AHCTF1: variants seen among roughly 807,000 people sequenced by gnomAD.
AHCTF1 encodes protein ELYS.
A neutral mutation model predicts 248.4 loss-of-function variants in AHCTF1; 24 were observed. That is an observed-to-expected ratio of 0.10 (90% CI 0.07 to 0.14). The LOEUF is 0.14. AHCTF1 is among the 10% of genes least tolerant of loss of function. The pLI is 1.00. For synonymous variants in AHCTF1, 786 were observed against 929.8 expected (o/e 0.85, Z 2.81); for missense variants, 2,206 against 2,636.2 (o/e 0.84, Z 3.57).
intron 21 of AHCTF1, 24 bp downstream of exon 21, chr1:246,885,469 T>A (rs1281197653): frequency 6.4e-7 from 1 of 1,559,224 alleles, no homozygotes; most frequent in South Asian, 1.2e-5. Context: ...ATAAAGACTT[T>A]ATAGTTTCAA....
chr1:246,871,360 GCCA>G (rs1283163770), intron 24 of AHCTF1, among the ~76,000 whole-genome samples: 1 of 152,194 alleles, frequency 6.6e-6, no homozygotes, highest in Non-Finnish European at 1.5e-5. Context: ...ATCAAGGTGT[GCCA>G]GATCCTTACT....
Position 246,859,864 on chromosome 1 carries a change from T to C in AHCTF1, c.4132+1035A>G, listed in dbSNP as rs182702045. 1.3e-4 allele frequency among the ~76,000 whole-genome samples: 20 copies of C among 152,118 alleles called. No homozygotes were observed. The East Asian group carries it at 3.7e-3, about 28-fold the overall frequency. On this transcript the variant is annotated intron_variant, in intron 29 of 35. Transcript: ENST00000648844. ...CCACTTTACCCAGCCTGAACATTTA[T>C]TTTCATTGTCCAGTGATTATTTTGG...
Position 246,916,328 on chromosome 1 carries a change from C to G in AHCTF1, c.189G>C (p.Glu63Asp). The G allele has an allele frequency of 6.2e-7, 1 of 1,610,388 alleles. No individual in the cohort carries two copies. The highest frequency in any genetic ancestry group is 8.5e-7 in the Non-Finnish European group (1 of 1,177,446). Residue 63 changes from glutamate (E) to aspartate (D), a missense_variant, in exon 3 of 36, where the codon GAG becomes GAC. Glu to Asp is a conservative substitution (Grantham distance 45). Transcript: ENST00000648844. ...QLEVVNSITGERLSAYRFSGV... is the reference protein window; with the variant it reads ...QLEVVNSITGDRLSAYRFSGV... ...CACTGAATCTGTAAGCAGACAATCGCTCTCCTGTTATAGAGTTTACTACCT... is the reference window on the plus strand; with the variant it reads ...CACTGAATCTGTAAGCAGACAATCGGTCTCCTGTTATAGAGTTTACTACCT...
chr1:246,913,632 T>C (rs1039291977), intron 3 of AHCTF1, among the ~76,000 whole-genome samples: 4 of 152,224 alleles, frequency 2.6e-5, no homozygotes, highest in East Asian at 1.9e-4. Context: ...GGACTAACAA[T>C]TGATGTTGAC....
At position 246,898,506 on chromosome 1, in the gene AHCTF1, C is replaced by T. The variant is rs1410698291; in HGVS notation, c.1495-170G>A. ...GAGTTTATAGGTTCTTAAGCTTAAC[C>T]AATGCTTGCTAGTTGTGAATACTAC... On this transcript the variant is annotated intron_variant, in intron 11 of 35. Transcript: ENST00000648844. Among the ~76,000 whole-genome samples the T allele has an allele frequency of 3.9e-5, 6 of 152,012 alleles. No homozygotes were observed. In the East Asian group the frequency reaches 9.6e-4, roughly 24 times the overall value.
At chr1:246,898,454 G>T (rs987854419) in intron 11 of AHCTF1, 118 bp from the exon 12 acceptor site, 11 of 1,106,314 alleles carry the variant, frequency 9.9e-6, no homozygotes, top group African/African-American at 1.6e-5. Context: ...TGGAAATTAT[G>T]AAAGACTATA....
intron 2 of AHCTF1, among the ~76,000 whole-genome samples, chr1:246,917,882 C>T (rs866009594): frequency 6.6e-6 from 1 of 151,966 alleles, no homozygotes; most frequent in South Asian, 2.1e-4. Context: ...ACATCTAGGG[C>T]CCTGGACTTT....
At chr1:246,899,541 C>T (rs771598958) in intron 10 of AHCTF1, 29 bp from the exon 11 acceptor site, 3 of 1,566,474 alleles carry the variant, frequency 1.9e-6, no homozygotes, top group South Asian at 2.3e-5. Flanking sequence ...AAATAATCCA[C>T]TTACATATAT....
At chr1:246,881,763 G>A (rs1406775113) in intron 21 of AHCTF1, among the ~76,000 whole-genome samples, 1 of 150,144 alleles carries the variant, frequency 6.7e-6, no homozygotes, top group Non-Finnish European at 1.5e-5. Context: ...GCTTGAACCT[G>A]GGAGGCAGAG....
chr1:246,905,190 G>A (rs1665291049), intron 6 of AHCTF1, among the ~76,000 whole-genome samples: 1 of 152,098 alleles, frequency 6.6e-6, no homozygotes. Flanking sequence ...TTCTATTTTT[G>A]ACTAATTTTT....
rs575683207 is a variant in AHCTF1, at chr1:246,870,150, A to C, written c.3089-2339T>G. Reference sequence around the variant, plus strand: ...GAAAGAGCAAGAGAACTAGAATGAGAAGCAGAGCCTAGGCCAGGCATGATG... The same window carrying C: ...GAAAGAGCAAGAGAACTAGAATGAGCAGCAGAGCCTAGGCCAGGCATGATG... On this transcript the variant is annotated intron_variant, in intron 24 of 35. Transcript: ENST00000648844. Among the ~76,000 whole-genome samples the C allele has an allele frequency of 2.6e-5, 4 of 152,324 alleles. No homozygotes were observed. The East Asian group carries it at 7.7e-4, about 29-fold the overall frequency.
At chr1:246,921,633 CCT>C (rs1189285753) in intron 1 of AHCTF1, among the ~76,000 whole-genome samples, 2 of 152,038 alleles carry the variant, frequency 1.3e-5, no homozygotes, top group Non-Finnish European at 2.9e-5. Context: ...ACACCGATTC[CCT>C]GAGTCAGGAA....
chr1:246,907,822 C>T, intron 4 of AHCTF1, 64 bp from the exon 5 acceptor site: 1 of 1,358,542 alleles, frequency 7.4e-7, no homozygotes. Flanking sequence ...GCAAATATGT[C>T]ATCCATTATT....
Position 246,842,692 on chromosome 1 carries a change from A to G in AHCTF1, c.6608+2T>C, listed in dbSNP as rs1659965231. The G allele has an allele frequency of 3.1e-6, 5 of 1,612,600 alleles. No individual in the cohort carries two copies. In the East Asian group the frequency reaches 1.1e-4, roughly 36 times the overall value. On this transcript the variant is annotated splice_donor_variant, in intron 35 of 35. Transcript: ENST00000648844. LOFTEE classifies it high-confidence loss of function. The stretch of plus-strand genomic sequence containing the variant: ...AATCAAGAACAGAACAGAAAGTCAT[A>G]CTTGCTTGCTTGTTTTGTTTTTGAC...
At chr1:246,883,919 T>A (rs1407562005) in intron 21 of AHCTF1, among the ~76,000 whole-genome samples, 2 of 152,096 alleles carry the variant, frequency 1.3e-5, no homozygotes, top group Non-Finnish European at 2.9e-5. Context: ...TCTGGATGAA[T>A]TAAAGAAGGA....
chr1:246,911,412 A>AT (rs1479334596), intron 4 of AHCTF1, among the ~76,000 whole-genome samples: 1 of 151,252 alleles, frequency 6.6e-6, no homozygotes, highest in Non-Finnish European at 1.5e-5. Flanking sequence ...TCACATAAAA[A>AT]TTTTATTAAT....
At chr1:246,930,598 A>AAAAG (rs1553308027) in intron 1 of AHCTF1, among the ~76,000 whole-genome samples, 1 of 148,610 alleles carries the variant, frequency 6.7e-6, no homozygotes. Flanking sequence ...AAAAAAAAAA[A>AAAAG]GGGGGGGTCT....
intron 24 of AHCTF1, among the ~76,000 whole-genome samples, chr1:246,869,604 G>C (rs1025364853): frequency 6.6e-6 from 1 of 151,820 alleles, no homozygotes; most frequent in Admixed American, 6.6e-5. Flanking sequence ...AAAATGATGG[G>C]AAATCTACTA....
intron 26 of AHCTF1, among the ~76,000 whole-genome samples, chr1:246,865,090 T>A (rs1661869103): frequency 6.6e-6 from 1 of 152,220 alleles, no homozygotes; most frequent in African/African-American, 2.4e-5. Context: ...AATTTACAGA[T>A]AAATTTAAAC....
Sources: gnomAD v4.1 joint callset for allele counts (sites outside exome capture counted in the v4.1 genomes callset) on GRCh38, gnomAD v4.1.1 for gene constraint, MANE v1.5 for transcripts, NCBI Gene and HGNC (gene_info 2026-07-23, HGNC 2026-07-21) for gene names.